The following ACTG2 variants were observed in gnomAD, a reference collection of about 807,000 sequenced individuals.
ACTG2 encodes the protein actin, gamma-enteric smooth muscle.
ACTG2 carries 16 observed loss-of-function variants against 37.6 expected under a neutral mutation model. The ratio of observed to expected loss-of-function variants is 0.43; its 90% CI spans 0.29 to 0.65. The LOEUF is 0.65. Ranked by LOEUF, ACTG2 falls within the 30% of genes least tolerant of loss-of-function variation. The pLI is 0.18. For synonymous variants in ACTG2, 181 were observed against 179.9 expected (o/e 1.01, Z -0.05); for missense variants, 238 against 490.9 (o/e 0.48, Z 4.87).
chr2:73,919,410 T>G (rs753868095), intron 8 of ACTG2, 22 bp from the exon 9 acceptor site: 1 of 1,611,192 alleles, frequency 6.2e-7, no homozygotes, highest in South Asian at 1.1e-5. Context: ...TGATCATGAT[T>G]CACCACATTT....
chr2:73,908,780 C>G lies in ACTG2; in HGVS notation c.363C>G (p.Thr121=). The G allele has an allele frequency of 6.2e-7, 1 of 1,608,978 alleles. No individual in the cohort carries two copies. Among genetic ancestry groups the G allele is most frequent in the Non-Finnish European group, 8.5e-7 (1 of 1,175,330 alleles). Residue 121 remains threonine (T), a synonymous_variant, in exon 4 of 9, where the codon ACC becomes ACG. Coordinates refer to ENST00000345517, the MANE Select transcript of ACTG2 (RefSeq NM_001615.4). ...LNPKANREKM[T]QIMFETFNVP... ...CCAAGGCCAACAGGGAAAAGATGAC[C>G]CAGGTAAGAAGCCAGGAAGACTTGA...
chr2:73,912,919 G>C (rs1680170328), intron 5 of ACTG2, among the ~76,000 whole-genome samples: 1 of 152,186 alleles, frequency 6.6e-6, no homozygotes, highest in Non-Finnish European at 1.5e-5. Flanking sequence ...TGTAATCCCA[G>C]CACTTTGGGA....
At chr2:73,900,031 A>G (rs1028443860) in intron 1 of ACTG2, among the ~76,000 whole-genome samples, 2 of 152,030 alleles carry the variant, frequency 1.3e-5, no homozygotes, top group East Asian at 3.9e-4. Context: ...CTGCTTCAGT[A>G]TGGTCTTCTC....
At chr2:73,896,285 G>T (rs1342861988) in intron 1 of ACTG2, among the ~76,000 whole-genome samples, 7 of 150,602 alleles carry the variant, frequency 4.6e-5, no homozygotes, top group African/African-American at 1.7e-4. Context: ...GTTCAAGCCT[G>T]CAGTGAGCTT....
intron 3 of ACTG2, among the ~76,000 whole-genome samples, chr2:73,907,117 CCT>C (rs1680033157): frequency 6.6e-6 from 1 of 152,168 alleles, no homozygotes; most frequent in African/African-American, 2.4e-5. Context: ...CATTTAAATC[CCT>C]CAGATAATGA....
rs1462841170 is a variant in ACTG2 at position 73,901,339 on chromosome 2, G to A, written c.28G>A (p.Val10Met). ...GTGTGAAGAGGAGACCACCGCGCTC[G>A]TGTGTGACAATGGCTCTGGCCTGTG... is the stretch of plus-strand genomic sequence containing the variant. The part of the protein sequence containing the change: MCEEETTAL[V>M]CDNGSGLCKA... The change falls in exon 2 of 9, where the codon GTG (valine) becomes ATG (methionine). Residue 10 changes from valine to methionine, a missense_variant. Coordinates refer to ENST00000345517, the MANE Select transcript of ACTG2 (RefSeq NM_001615.4). 3 of 1,612,098 alleles carry A rather than the reference G, an allele frequency of 1.9e-6. No individual in the cohort carries two copies. Among genetic ancestry groups the A allele is most frequent in the African/African-American group, 1.3e-5 (1 of 74,898 alleles).
intron 6 of ACTG2, 111 bp from the exon 7 acceptor site, chr2:73,914,569 A>AG (rs897351920): frequency 1.2e-6 from 1 of 808,488 alleles, no homozygotes; most frequent in African/African-American, 2.8e-5. Context: ...AAAAAAAAAA[A>AG]AAAAAAAAGA....
At chr2:73,910,315 C>T (rs1003044356) in intron 5 of ACTG2, among the ~76,000 whole-genome samples, 1 of 149,730 alleles carries the variant, frequency 6.7e-6, no homozygotes. Flanking sequence ...TTTTTAAAGC[C>T]ATTTTTACTT....
At chr2:73,908,303 T>A in intron 3 of ACTG2, 3 of 473,516 alleles carry the variant, frequency 6.3e-6, no homozygotes, top group Non-Finnish European at 1.3e-5. Flanking sequence ...CTTGCAGGAA[T>A]CTTCTATCAG....
In ACTG2 at chr2:73,914,775, C is replaced by T; in HGVS notation, c.709C>T (p.Leu237=). The T allele has an allele frequency of 6.2e-7, 1 of 1,612,786 alleles. No homozygotes were observed. The part of the protein sequence containing the change: ...EMATAASSSS[L]EKSYELPDGQ... ...GGCCACAGCAGCTTCCTCTTCCTCC[C>T]TGGAGAAGAGCTATGAGCTGCCAGA... Residue 237 remains leucine, a synonymous_variant, in exon 7 of 9, where the codon CTG becomes TTG. Transcript: ENST00000345517.
At chr2:73,909,551 T>C (rs904879893) in intron 5 of ACTG2, among the ~76,000 whole-genome samples, 1 of 152,058 alleles carries the variant, frequency 6.6e-6, no homozygotes, top group African/African-American at 2.4e-5. Flanking sequence ...CATCAGAGAG[T>C]GTACTTGCAC....
intron 1 of ACTG2, among the ~76,000 whole-genome samples, chr2:73,900,924 C>A (rs1360664116): frequency 6.6e-6 from 1 of 152,158 alleles, no homozygotes; most frequent in Non-Finnish European, 1.5e-5. Context: ...GATCCTAATT[C>A]CCTCTTCTTA....
chr2:73,901,139 T>A lies in ACTG2; in HGVS notation c.-36-137T>A, dbSNP rs1573461047. On this transcript the variant is annotated intron_variant, in intron 1 of 8. Transcript: ENST00000345517. ...GGGAGGAGGCTCAACTGCCAGTGAG[T>A]GGGAGGCCAAGCCCATGCCTGTCCC... 4 of 632,516 alleles carry A rather than the reference T, an allele frequency of 6.3e-6. No individual in the cohort carries two copies. In the East Asian group the frequency reaches 1.3e-4, roughly 21 times the overall value. The allele number at this position is 632,516 out of a possible 1,614,324, so 39.2% of individuals were successfully genotyped here.
chr2:73,902,765 C>T, intron 3 of ACTG2: 4 of 1,549,194 alleles, frequency 2.6e-6, no homozygotes, highest in Non-Finnish European at 3.5e-6. Flanking sequence ...TTTCTAAACA[C>T]AGGTCAGCTC....
At position 73,914,591 on chromosome 2, in the gene ACTG2, G is replaced by A. The variant is rs571496514; in HGVS notation, c.614-89G>A. On this transcript the variant is annotated intron_variant, in intron 6 of 8. Transcript: ENST00000345517. ...AAAAAAAAAAAAGAATAAAGTAGAT[G>A]TGAGAAGGAGGTTTTCATGGAGATC... 5.1e-5 allele frequency: 43 copies of A among 849,550 alleles called. No homozygotes were observed. The South Asian group carries it at 1.1e-3, about 21-fold the overall frequency. The allele number at this position is 849,550 out of a possible 1,614,324, so 52.6% of individuals were successfully genotyped here.
In ACTG2 at chr2:73,904,265, A is replaced by AG. The variant is rs1377543582; in HGVS notation, c.255+1777_255+1778insG. ...CCATGTCTCAAAAAAAAAAAAAAAA[A>AG]AAAAAAAGAAAGGAAGGAAGGAAGA... On this transcript the variant is annotated intron_variant, in intron 3 of 8. Transcript: ENST00000345517. Among the ~76,000 whole-genome samples, 5 of 150,486 alleles carry AG rather than the reference A, an allele frequency of 3.3e-5. No homozygotes were observed. In the East Asian group the frequency reaches 6.1e-4, roughly 18 times the overall value.
chr2:73,906,606 G>A (rs1680021662), intron 3 of ACTG2, among the ~76,000 whole-genome samples: 1 of 151,950 alleles, frequency 6.6e-6, no homozygotes, highest in Admixed American at 6.6e-5. Flanking sequence ...TCTGTCTCCG[G>A]TGTAGCTGGG....
At chr2:73,909,727 A>T (rs1176554015) in intron 5 of ACTG2, among the ~76,000 whole-genome samples, 1 of 152,240 alleles carries the variant, frequency 6.6e-6, no homozygotes, top group Non-Finnish European at 1.5e-5. Flanking sequence ...GAAAAGTTAC[A>T]GTGAAAATAT....
chr2:73,907,283 C>T (rs1349835323), intron 3 of ACTG2, among the ~76,000 whole-genome samples: 3 of 152,192 alleles, frequency 2.0e-5, no homozygotes, highest in East Asian at 1.9e-4. Context: ...CACTTACCAC[C>T]GTCTTAGCAC....
Sources: gnomAD v4.1 joint callset for allele counts (sites outside exome capture counted in the v4.1 genomes callset) on GRCh38, gnomAD v4.1.1 for gene constraint, MANE v1.5 for transcripts, NCBI Gene and HGNC (gene_info 2026-07-23, HGNC 2026-07-21) for gene names.